Variants in COL8A1 observed in about 807,000 individuals in gnomAD.
COL8A1 encodes collagen type VIII alpha 1 chain.
COL8A1 carries 21 observed loss-of-function variants against 42.7 expected under a neutral mutation model. The observed-to-expected ratio is 0.49, with a 90% confidence interval of 0.35 to 0.71. The LOEUF (loss-of-function observed/expected upper bound fraction) is 0.71. Among genes scored for constraint, COL8A1 ranks in the 30% least tolerant of loss-of-function variants. The pLI is 0.01. For missense variants in COL8A1, 788 were observed against 962.4 expected (o/e 0.82, Z 2.40); for synonymous variants, 367 against 369.1 (o/e 0.99, Z 0.06).
chr3:99,711,076 C>T (rs752621879), intron 1 of COL8A1, among the ~76,000 whole-genome samples: 6 of 151,814 alleles, frequency 4.0e-5, no homozygotes, highest in Non-Finnish European at 5.9e-5. Flanking sequence ...AAAACTATCA[C>T]TATAGGCAAT....
intron 1 of COL8A1, among the ~76,000 whole-genome samples, chr3:99,723,591 A>G (rs1461147162): frequency 6.6e-6 from 1 of 152,166 alleles, no homozygotes; most frequent in African/African-American, 2.4e-5. Flanking sequence ...TTTCCAATGG[A>G]AAGAAGCCTT....
intron 2 of COL8A1, among the ~76,000 whole-genome samples, chr3:99,768,076 G>A (rs1392649421): frequency 2.0e-5 from 3 of 152,164 alleles, no homozygotes; most frequent in East Asian, 1.9e-4. Flanking sequence ...CAAAATTGGC[G>A]ACAGTAAGGC....
chr3:99,640,256 C>A (rs1180685588), intron 1 of COL8A1, among the ~76,000 whole-genome samples: 1 of 152,094 alleles, frequency 6.6e-6, no homozygotes, highest in Non-Finnish European at 1.5e-5. Flanking sequence ...ATTAACATAC[C>A]TTTTATCTCA....
chr3:99,692,759 T>C (rs1331194180), intron 1 of COL8A1, among the ~76,000 whole-genome samples: 3 of 152,234 alleles, frequency 2.0e-5, no homozygotes, highest in African/African-American at 7.2e-5. Flanking sequence ...CTGAAGTCTG[T>C]AGCCTAGTCA....
chr3:99,666,958 C>T (rs1938385374), intron 1 of COL8A1, among the ~76,000 whole-genome samples: 1 of 152,102 alleles, frequency 6.6e-6, no homozygotes, highest in South Asian at 2.1e-4. Context: ...ATTTATTCTG[C>T]AGCATGTTCT....
chr3:99,788,773 A>T (rs888630857), intron 2 of COL8A1, among the ~76,000 whole-genome samples: 4 of 152,248 alleles, frequency 2.6e-5, no homozygotes, highest in Non-Finnish European at 5.9e-5. Flanking sequence ...AGTATACTGC[A>T]ATTTATGTTT....
chr3:99,643,180 G>A (rs1384409699), intron 1 of COL8A1, among the ~76,000 whole-genome samples: 1 of 152,170 alleles, frequency 6.6e-6, no homozygotes, highest in East Asian at 1.9e-4. Context: ...ACTGCAGTGT[G>A]GCTCCTCGTA....
chr3:99,714,529 G>A (rs1398402105), intron 1 of COL8A1, among the ~76,000 whole-genome samples: 1 of 152,034 alleles, frequency 6.6e-6, no homozygotes, highest in East Asian at 1.9e-4. Context: ...TTGTTCTGGG[G>A]CTATTACAAC....
At chr3:99,693,688 A>G (rs190677447) in intron 1 of COL8A1, among the ~76,000 whole-genome samples, 318 of 152,394 alleles carry the variant, frequency 2.1e-3, no homozygotes, top group Non-Finnish European at 3.6e-3. Flanking sequence ...AAAAATTAAA[A>G]GGAAGAAATG....
At chr3:99,727,759 C>G (rs192382849) in intron 1 of COL8A1, among the ~76,000 whole-genome samples, 1 of 151,778 alleles carries the variant, frequency 6.6e-6, no homozygotes, top group Non-Finnish European at 1.5e-5. Flanking sequence ...ACTGGCAAAC[C>G]GAATCCAGCA....
chr3:99,732,215 T>C (rs1219100395), intron 1 of COL8A1, among the ~76,000 whole-genome samples: 1 of 152,214 alleles, frequency 6.6e-6, no homozygotes, highest in East Asian at 1.9e-4. Context: ...CCATATTCAA[T>C]GGAATAGGTA....
At chr3:99,723,082 A>G (rs1940203505) in intron 1 of COL8A1, among the ~76,000 whole-genome samples, 1 of 151,854 alleles carries the variant, frequency 6.6e-6, no homozygotes, top group African/African-American at 2.4e-5. Flanking sequence ...TCAGGAAGGA[A>G]GCCTAAGTTG....
chr3:99,793,414 A>T (rs1446839123), intron 3 of COL8A1, among the ~76,000 whole-genome samples: 2 of 151,296 alleles, frequency 1.3e-5, no homozygotes, highest in African/African-American at 2.4e-5. Context: ...AATTTGGATA[A>T]CAACTCCAAT....
chr3:99,683,491 T>C (rs1418385792), intron 1 of COL8A1, among the ~76,000 whole-genome samples: 1 of 152,198 alleles, frequency 6.6e-6, no homozygotes, highest in African/African-American at 2.4e-5. Context: ...TTTTGTTTCA[T>C]TTAGATGTAG....
At position 99,795,229 on chromosome 3, in the gene COL8A1, T is replaced by C; in HGVS notation, c.1328T>C (p.Leu443Pro). 3 of 1,613,448 alleles carry C rather than the reference T, an allele frequency of 1.9e-6. No individual in the cohort carries two copies. The highest frequency in any genetic ancestry group is 2.5e-6 in the Non-Finnish European group (3 of 1,179,654). The change falls in exon 4 of 4, where the codon CTT becomes CCT. Residue 443 changes from leucine (L) to proline (P), a missense_variant. This residue lies in a region of COL8A1 where 154 missense variants were observed against 182.3 expected (regional missense o/e 0.84). Transcript: ENST00000652472. ...GGCTTCCCAGGAAAGCCAGGTTTCCTTGGTGAAGTAGGGCCTCCTGGCATG... is the reference window on the plus strand; with the variant it reads ...GGCTTCCCAGGAAAGCCAGGTTTCCCTGGTGAAGTAGGGCCTCCTGGCATG... Reference protein sequence around the residue: ...LQGFPGKPGFLGEVGPPGMRG... With the variant: ...LQGFPGKPGFPGEVGPPGMRG...
At chr3:99,687,185 C>T (rs1046461316) in intron 1 of COL8A1, among the ~76,000 whole-genome samples, 4 of 152,180 alleles carry the variant, frequency 2.6e-5, no homozygotes, top group Non-Finnish European at 4.4e-5. Context: ...AATGTGGAGC[C>T]ACCTAGCGGC....
chr3:99,788,715 A>G (rs1941942584), intron 2 of COL8A1, among the ~76,000 whole-genome samples: 1 of 152,252 alleles, frequency 6.6e-6, no homozygotes, highest in Non-Finnish European at 1.5e-5. Flanking sequence ...TAGACAAGGA[A>G]TAAGTACTGA....
chr3:99,643,640 T>G (rs1194441125), intron 1 of COL8A1, among the ~76,000 whole-genome samples: 3 of 152,220 alleles, frequency 2.0e-5, no homozygotes, highest in Non-Finnish European at 4.4e-5. Flanking sequence ...GATTCTCCCT[T>G]GCTTTGGGAA....
chr3:99,728,459 T>A (rs1481882963), intron 1 of COL8A1, among the ~76,000 whole-genome samples: 4 of 152,034 alleles, frequency 2.6e-5, no homozygotes, highest in Admixed American at 6.6e-5. Flanking sequence ...ACACTTGAAA[T>A]TTTTCACATT....
Sources: gnomAD v4.1 joint callset for allele counts (sites outside exome capture counted in the v4.1 genomes callset) on GRCh38, gnomAD v4.1.1 for gene constraint, gnomAD v4.1.1 regional missense constraint, MANE v1.5 for transcripts, NCBI Gene and HGNC (gene_info 2026-07-23, HGNC 2026-07-21) for gene names.